The following WWOX variants were observed in gnomAD, a reference collection of about 807,000 sequenced individuals.
WWOX encodes the protein WW domain-containing oxidoreductase.
In WWOX, 69 loss-of-function variants were observed where a neutral mutation model predicts 46.2. The observed-to-expected ratio is 1.49, with a 90% CI of 1.23 to 1.82. The LOEUF (loss-of-function observed/expected upper bound fraction) is 1.82. Ranked by LOEUF, WWOX falls within the 40% of genes most tolerant of loss-of-function variation. The pLI, the probability that WWOX is intolerant of heterozygous loss-of-function variation, is 0.00. For missense variants in WWOX, 919 were observed against 542.6 expected, an observed-to-expected ratio of 1.69 and a Z score of -6.89; for synonymous variants, 359 against 202.6, an observed-to-expected ratio of 1.77 and a Z score of -6.56.
At chr16:79,133,124 C>T (rs1268455591) in intron 8 of WWOX, among the ~76,000 whole-genome samples, 1 of 152,202 alleles carries the variant, frequency 6.6e-6, no homozygotes, top group African/African-American at 2.4e-5. Flanking sequence ...AAAGCCCCTG[C>T]TAATTTAGCA....
Position 78,346,816 on chromosome 16 carries a change from T to C in WWOX, c.517-40044T>C, listed in dbSNP as rs1016846377. Among the ~76,000 whole-genome samples the C allele has an allele frequency of 5.0e-5, 6 of 120,686 alleles. 1 individual carries two copies. Among genetic ancestry groups the C allele is most frequent in the African/African-American group, 1.7e-4 (6 of 35,634 alleles). 79.2% of individuals were successfully genotyped at this position (120,686 alleles called of 152,430 possible). On this transcript the variant is annotated intron_variant, in intron 5 of 8. Transcript: ENST00000566780. Reference sequence around the variant, plus strand: ...GCCTACTGGGTTCAAGCGATTTTCCTGCCTCAGTCTCTTGAGTAGCTGGTG... The same window carrying C: ...GCCTACTGGGTTCAAGCGATTTTCCCGCCTCAGTCTCTTGAGTAGCTGGTG...
chr16:78,851,824 C>A (rs1194894108), intron 8 of WWOX, among the ~76,000 whole-genome samples: 1 of 152,204 alleles, frequency 6.6e-6, no homozygotes, highest in Admixed American at 6.5e-5. Context: ...CTTGCTAATG[C>A]ATTTTCACAA....
rs181584961 is a variant in WWOX, at chr16:78,664,658, T to C, written c.1056+231906T>C. On this transcript the variant is annotated intron_variant, in intron 8 of 8. Transcript: ENST00000566780. ...AGCCCGGTGTATCCGTATCAGTGTGTCTAGGAAGACCAAGCATGCCGAACG... is the reference window on the plus strand; with the variant it reads ...AGCCCGGTGTATCCGTATCAGTGTGCCTAGGAAGACCAAGCATGCCGAACG... 1.9e-3 allele frequency among the ~76,000 whole-genome samples: 297 copies of C among 152,310 alleles called. 1 individual carries two copies. The highest frequency in any genetic ancestry group is 3.4e-3 in the Non-Finnish European group (231 of 68,028).
chr16:78,851,419 G>A (rs1386634820), intron 8 of WWOX, among the ~76,000 whole-genome samples: 1 of 152,220 alleles, frequency 6.6e-6, no homozygotes, highest in African/African-American at 2.4e-5. Context: ...TGAGCCAAGT[G>A]ACATTGTAAG....
chr16:78,851,965 C>A (rs536626673), intron 8 of WWOX, among the ~76,000 whole-genome samples: 1 of 152,134 alleles, frequency 6.6e-6, no homozygotes, highest in Non-Finnish European at 1.5e-5. Flanking sequence ...CTGTAATCTT[C>A]ATTCATTCCT....
intron 8 of WWOX, among the ~76,000 whole-genome samples, chr16:78,456,510 T>C (rs2083819370): frequency 6.6e-6 from 1 of 152,230 alleles, no homozygotes; most frequent in South Asian, 2.1e-4. Context: ...AGCAATAGCC[T>C]TAAATTCTTG....
chr16:78,904,151 C>CAACTGTT (rs1420225375), intron 8 of WWOX, among the ~76,000 whole-genome samples: 3 of 151,872 alleles, frequency 2.0e-5, no homozygotes, highest in African/African-American at 7.3e-5. Flanking sequence ...ATGTAAAGTC[C>CAACTGTT]AACTGTTAGA....
intron 8 of WWOX, among the ~76,000 whole-genome samples, chr16:78,743,300 C>T (rs1363234762): frequency 1.3e-5 from 2 of 152,136 alleles, no homozygotes; most frequent in African/African-American, 4.8e-5. Flanking sequence ...AGTATTCCCT[C>T]ATTTGCCAAT....
chr16:78,863,000 C>A (rs146981026), intron 8 of WWOX, among the ~76,000 whole-genome samples: 64 of 141,222 alleles, frequency 4.5e-4, no homozygotes, highest in Middle Eastern at 4.6e-3. Flanking sequence ...TGCTCTGTTG[C>A]CAGGGTGGAG....
chr16:78,465,203 C>G (rs1304941622), intron 8 of WWOX, among the ~76,000 whole-genome samples: 1 of 152,184 alleles, frequency 6.6e-6, no homozygotes, highest in Non-Finnish European at 1.5e-5. Flanking sequence ...GGGACACAGA[C>G]AAATTGTATC....
intron 8 of WWOX, among the ~76,000 whole-genome samples, chr16:79,124,431 C>T (rs1191088646): frequency 6.6e-6 from 1 of 152,120 alleles, no homozygotes; most frequent in Admixed American, 6.6e-5. Flanking sequence ...CGAGGTTCCT[C>T]ATCATGATAC....
intron 8 of WWOX, among the ~76,000 whole-genome samples, chr16:78,933,924 G>A (rs570800656): frequency 6.6e-6 from 1 of 152,072 alleles, no homozygotes; most frequent in Non-Finnish European, 1.5e-5. Flanking sequence ...GGGTGAAGTG[G>A]CTCGCACCTG....
intron 5 of WWOX, among the ~76,000 whole-genome samples, chr16:78,189,897 C>T (rs2035829623): frequency 6.6e-6 from 1 of 152,162 alleles, no homozygotes; most frequent in Non-Finnish European, 1.5e-5. Flanking sequence ...TCAAGTGATC[C>T]ACCCACCTCG....
At chr16:78,734,558 G>T (rs561235215) in intron 8 of WWOX, among the ~76,000 whole-genome samples, 1 of 152,136 alleles carries the variant, frequency 6.6e-6, no homozygotes, top group Non-Finnish European at 1.5e-5. Flanking sequence ...CTTGAGAGCA[G>T]AGCTGGTTTA....
At chr16:78,785,358 G>A (rs1368591850) in intron 8 of WWOX, among the ~76,000 whole-genome samples, 1 of 152,152 alleles carries the variant, frequency 6.6e-6, no homozygotes, top group Non-Finnish European at 1.5e-5. Context: ...AGCAGCTAGG[G>A]AAGAAACTCA....
At chr16:78,585,688 T>A (rs201561289) in intron 8 of WWOX, among the ~76,000 whole-genome samples, 1 of 111,228 alleles carries the variant, frequency 9.0e-6, no homozygotes, top group African/African-American at 4.9e-5. Flanking sequence ...TTTTTTTTTG[T>A]TTTTTTTTGT....
chr16:78,746,693 G>A (rs1370240478), intron 8 of WWOX, among the ~76,000 whole-genome samples: 2 of 151,732 alleles, frequency 1.3e-5, no homozygotes, highest in Non-Finnish European at 2.9e-5. Flanking sequence ...TTTTCCCATA[G>A]CCAATGCCTT....
intron 5 of WWOX, among the ~76,000 whole-genome samples, chr16:78,360,504 G>A (rs1567523874): frequency 1.3e-5 from 2 of 150,884 alleles, no homozygotes. Context: ...AGAATCACTT[G>A]AAGCTGGGAG....
At chr16:78,861,576 AG>A (rs974044243) in intron 8 of WWOX, among the ~76,000 whole-genome samples, 15 of 152,344 alleles carry the variant, frequency 9.8e-5, no homozygotes, top group African/African-American at 3.6e-4. Context: ...ACTAAAAGTA[AG>A]GTCTCTTTAA....
Sources: gnomAD v4.1 joint callset for allele counts (sites outside exome capture counted in the v4.1 genomes callset) on GRCh38, gnomAD v4.1.1 for gene constraint, MANE v1.5 for transcripts, NCBI Gene and HGNC (gene_info 2026-07-23, HGNC 2026-07-21) for gene names.